CCDC61: variants seen among roughly 807,000 people sequenced by gnomAD.
CCDC61 encodes coiled-coil domain containing 61.
In CCDC61, 55 loss-of-function variants were observed where a neutral mutation model predicts 63.0. The ratio of observed to expected loss-of-function variants is 0.87; its 90% CI spans 0.70 to 1.09. The LOEUF (loss-of-function observed/expected upper bound fraction) is 1.09. CCDC61 is among the 50% of genes least tolerant of loss of function. CCDC61 has a pLI of 0.00. For synonymous variants in CCDC61, 270 were observed against 317.0 expected (o/e 0.85, Z 1.58); for missense variants, 651 against 731.4 (o/e 0.89, Z 1.27).
intron 4 of CCDC61, among the ~76,000 whole-genome samples, chr19:46,007,662 A>C (rs908580279): frequency 6.6e-6 from 1 of 152,080 alleles, no homozygotes; most frequent in African/African-American, 2.4e-5. Context: ...TGTCTGTCCC[A>C]TGTGTTAGTA....
chr19:45,999,459 T>G (rs17652384), intron 1 of CCDC61, among the ~76,000 whole-genome samples: 22,244 of 151,804 alleles, frequency 0.15, 1,835 homozygotes, highest in Middle Eastern at 0.25. Context: ...AGAGAGCCCA[T>G]CTAGGGTATG....
intron 1 of CCDC61, among the ~76,000 whole-genome samples, chr19:45,998,918 C>G (rs916171393): frequency 3.3e-5 from 5 of 152,102 alleles, no homozygotes; most frequent in Non-Finnish European, 7.4e-5. Flanking sequence ...ATGTGCCATG[C>G]TTAAGGTGTG....
chr19:46,016,156 A>T lies in CCDC61; in HGVS notation c.948A>T (p.Ser316=). 4 of 1,269,372 alleles carry T rather than the reference A, an allele frequency of 3.2e-6. No individual in the cohort carries two copies. The highest frequency in any genetic ancestry group is 4.0e-6 in the Non-Finnish European group (4 of 1,009,962). 78.6% of individuals were successfully genotyped at this position (1,269,372 alleles called of 1,614,324 possible). A position where few individuals can be genotyped will look rare whatever the true frequency, so the allele number is the denominator to read the frequency against. The change falls in exon 8 of 14, where the codon TCA becomes TCT. Residue 316 remains serine (S), a synonymous_variant. Coordinates refer to ENST00000595358, the MANE Select transcript of CCDC61 (RefSeq NM_001267723.2). This position sits in a 1 kb window ranked among gnomAD's most constrained non-coding sequence, Gnocchi z 7.2. ...ASRGRGAARS[S]SRESGRGSRG... ...GAGGCCGCGGCGCCGCGCGCTCCTC[A>T]TCCCGGGAGAGCGGCCGCGGGAGCC... is the stretch of plus-strand genomic sequence containing the variant.
At chr19:46,005,801 T>C (rs563647689) in intron 3 of CCDC61, among the ~76,000 whole-genome samples, 4 of 152,248 alleles carry the variant, frequency 2.6e-5, no homozygotes, top group Non-Finnish European at 5.9e-5. Flanking sequence ...GTTTTTTTTT[T>C]TCAAGTAAAA....
chr19:45,999,290 T>C (rs1968546967), intron 1 of CCDC61, among the ~76,000 whole-genome samples: 1 of 150,932 alleles, frequency 6.6e-6, no homozygotes, highest in Non-Finnish European at 1.5e-5. Context: ...ATGGGGACAA[T>C]GTGGAAGGCT....
At position 46,015,400 on chromosome 19, in the gene CCDC61, C is replaced by A. The variant is rs768128750; in HGVS notation, c.818C>A (p.Thr273Asn). Reference protein sequence around the residue: ...RSLRARLKTLTSELALYKRGR... With the variant: ...RSLRARLKTLNSELALYKRGR... Reference sequence around the variant, plus strand: ...CTGCGCGCCCGGCTGAAGACGCTGACCAGCGAGCTGGCATTGTACAAGAGG... The same window carrying A: ...CTGCGCGCCCGGCTGAAGACGCTGAACAGCGAGCTGGCATTGTACAAGAGG... The change falls in exon 7 of 14, where the codon ACC becomes AAC. Residue 273 changes from threonine to asparagine, a missense_variant. Coordinates refer to ENST00000595358, the MANE Select transcript of CCDC61 (RefSeq NM_001267723.2). This position sits in a 1 kb window ranked among gnomAD's most constrained non-coding sequence, Gnocchi z 5.3. The A allele has an allele frequency of 6.2e-6, 10 of 1,602,436 alleles. No homozygotes were observed. The highest frequency in any genetic ancestry group is 8.5e-7 in the Non-Finnish European group (1 of 1,178,718).
At chr19:45,999,834 G>A (rs1968558028) in intron 1 of CCDC61, among the ~76,000 whole-genome samples, 1 of 152,138 alleles carries the variant, frequency 6.6e-6, no homozygotes, top group South Asian at 2.1e-4. Context: ...GGTCAGGTGT[G>A]TGGGCCAGGA....
In CCDC61 at chr19:46,008,178, C is replaced by G. The variant is rs545116143; in HGVS notation, c.428C>G (p.Pro143Arg). Residue 143 changes from proline (P) to arginine (R), a missense_variant, in exon 5 of 14, where the codon CCA becomes CGA. Pro to Arg is a moderately radical substitution (Grantham distance 103). Transcript: ENST00000595358. ...CTGCCCCTCCCGTACCAGGGCAAGC[C>G]AGACCCCGTGGTTCTGCAGGGCATC... The part of the protein sequence containing the change: ...YPLPLPYQGK[P>R]DPVVLQGIIR... 1.1e-5 allele frequency: 17 copies of G among 1,612,772 alleles called. No individual in the cohort carries two copies. In the East Asian group the frequency reaches 3.8e-4, roughly 36 times the overall value.
chr19:46,001,175 G>C (rs2146454976), intron 1 of CCDC61, among the ~76,000 whole-genome samples: 1 of 152,208 alleles, frequency 6.6e-6, no homozygotes, highest in African/African-American at 2.4e-5. Flanking sequence ...GGGGTCAGGG[G>C]ATGTGGGATA....
chr19:46,014,680 GGGA>G (rs1304261014), intron 5 of CCDC61, among the ~76,000 whole-genome samples: 1 of 152,166 alleles, frequency 6.6e-6, no homozygotes, highest in Admixed American at 6.5e-5. Flanking sequence ...CTGGCGAGGT[GGGA>G]GGAGGAGGGA....
chr19:46,013,393 G>A (rs1209120336), intron 5 of CCDC61, among the ~76,000 whole-genome samples: 1 of 151,926 alleles, frequency 6.6e-6, no homozygotes, highest in Non-Finnish European at 1.5e-5. Flanking sequence ...TTGGGCTCAA[G>A]GTATCTGTCC....
intron 12 of CCDC61, 115 bp downstream of exon 12, chr19:46,017,419 T>A (rs1283121389): frequency 1.1e-6 from 1 of 930,032 alleles, no homozygotes; most frequent in East Asian, 2.7e-5. Flanking sequence ...ATAGGGCTTT[T>A]TTAAGAGTGC....
chr19:46,003,178 T>C lies in CCDC61; in HGVS notation c.148+12T>C, dbSNP rs776170717. The C allele has an allele frequency of 5.6e-6, 9 of 1,598,076 alleles. 1 individual carries two copies. The highest frequency in any genetic ancestry group is 2.3e-5 in the South Asian group (2 of 88,742). On this transcript the variant is annotated intron_variant, in intron 2 of 13. Transcript: ENST00000595358. ...GTTCGATGCTGGCTGTGAGTGTGCC[T>C]GCCTGGGGTGGGCTCACCTTTCCTC...
At chr19:46,005,967 G>A (rs1021332948) in intron 3 of CCDC61, among the ~76,000 whole-genome samples, 2 of 152,044 alleles carry the variant, frequency 1.3e-5, no homozygotes, top group Non-Finnish European at 2.9e-5. Flanking sequence ...TGCTCTAGGG[G>A]CTGAATTCAA....
chr19:45,999,000 A>C (rs1169644733), intron 1 of CCDC61, among the ~76,000 whole-genome samples: 1 of 152,168 alleles, frequency 6.6e-6, no homozygotes, highest in Non-Finnish European at 1.5e-5. Flanking sequence ...AAGGGGAAGG[A>C]AGACGAATGT....
In CCDC61 at chr19:46,015,347, C is replaced by G. The variant is rs145059264; in HGVS notation, c.765C>G (p.Leu255=). ...GQDCRRLAKE[L]EEAKASERSL... is the part of the protein sequence containing the mutation. The stretch of plus-strand genomic sequence containing the variant: ...GCGCCCCTCTCCCCTCCCGGCAGCT[C>G]GAGGAGGCGAAGGCATCGGAGCGGA... The change falls in exon 7 of 14, where the codon CTC becomes CTG. Residue 255 remains leucine (L), a splice_region_variant and synonymous_variant. Coordinates refer to ENST00000595358, the MANE Select transcript of CCDC61 (RefSeq NM_001267723.2). The surrounding 1 kb of genome is among the most constrained non-coding windows in gnomAD (Gnocchi z 5.3). 7 of 1,600,654 alleles carry G rather than the reference C, an allele frequency of 4.4e-6. No homozygotes were observed. Among genetic ancestry groups the G allele is most frequent in the South Asian group, 2.2e-5 (2 of 90,498 alleles).
intron 11 of CCDC61, 81 bp downstream of exon 11, chr19:46,017,150 G>A: frequency 1.3e-6 from 2 of 1,542,808 alleles, no homozygotes; most frequent in Admixed American, 3.8e-5. Context: ...GGGAAATTGG[G>A]TGATGGAGCC....
Position 46,009,816 on chromosome 19 carries a change from A to ATGTG in CCDC61, c.551+1534_551+1537dup, listed in dbSNP as rs761965873. Reference sequence around the variant, plus strand: ...CTGCTCTCAGGCTGTGTGTGTGTGTATGTGTGTGTGTGTGTGTGTGTGCGC... The same window carrying ATGTG: ...CTGCTCTCAGGCTGTGTGTGTGTGTATGTGTGTGTGTGTGTGTGTGTGTGTGCGC... On this transcript the variant is annotated intron_variant, in intron 5 of 13. Coordinates refer to ENST00000595358, the MANE Select transcript of CCDC61 (RefSeq NM_001267723.2). 5.4e-3 allele frequency among the ~76,000 whole-genome samples: 609 copies of ATGTG among 113,312 alleles called. 2 individuals carry two copies. The highest frequency in any genetic ancestry group is 9.9e-3 in the African/African-American group (258 of 26,012). 74.3% of individuals were successfully genotyped at this position (113,312 alleles called of 152,430 possible).
At position 46,016,902 on chromosome 19, in the gene CCDC61, A is replaced by T. The variant is rs938257536; in HGVS notation, c.1231+69A>T. On this transcript the variant is annotated intron_variant, in intron 10 of 13. Transcript: ENST00000595358. The surrounding 1 kb of genome is among the most constrained non-coding windows in gnomAD (Gnocchi z 7.2). ...GGCGGGGCTGGGCGGGCTGGGAGGC[A>T]CTGGGCAGGGCGGGCGGGCTGGGAG... The T allele has an allele frequency of 2.2e-6, 1 of 450,400 alleles. No homozygotes were observed. The highest frequency in any genetic ancestry group is 2.5e-5 in the African/African-American group (1 of 40,446). The allele number at this position is 450,400 out of a possible 1,614,324, so 27.9% of individuals were successfully genotyped here.
Sources: gnomAD v4.1 joint callset for allele counts (sites outside exome capture counted in the v4.1 genomes callset) on GRCh38, gnomAD v4.1.1 for gene constraint, Gnocchi (gnomAD v3.1) non-coding constraint, MANE v1.5 for transcripts, NCBI Gene and HGNC (gene_info 2026-07-23, HGNC 2026-07-21) for gene names.